Variants in PTPRJ observed in about 807,000 individuals in gnomAD.
PTPRJ encodes the protein receptor-type tyrosine-protein phosphatase eta.
A neutral mutation model predicts 141.3 loss-of-function variants in PTPRJ; 129 were observed. The ratio of observed to expected loss-of-function variants is 0.91; its 90% confidence interval spans 0.79 to 1.06. The LOEUF (loss-of-function observed/expected upper bound fraction) is 1.06, where lower values mean the gene tolerates loss of function less well. Ranked by LOEUF, PTPRJ falls within the 50% of genes least tolerant of loss-of-function variation. The pLI, the probability that PTPRJ is intolerant of heterozygous loss-of-function variation, is 0.00. For synonymous variants in PTPRJ, 610 were observed against 640.5 expected, an observed-to-expected ratio of 0.95 and a Z score of 0.72; for missense variants, 1,601 against 1,679.7, an observed-to-expected ratio of 0.95 and a Z score of 0.82.
At chr11:48,051,213 G>C (rs1326742036) in intron 1 of PTPRJ, among the ~76,000 whole-genome samples, 1 of 143,786 alleles carries the variant, frequency 7.0e-6, no homozygotes, top group African/African-American at 2.6e-5. Context: ...CTCCTGCCTT[G>C]CCTCCTGAGT....
intron 1 of PTPRJ, among the ~76,000 whole-genome samples, chr11:48,074,708 T>G (rs1440240377): frequency 6.6e-6 from 1 of 152,230 alleles, no homozygotes; most frequent in Admixed American, 6.5e-5. Context: ...ACACTGAACC[T>G]TAATCCTTAG....
Position 48,130,693 on chromosome 11 carries a change from C to G in PTPRJ, c.1592C>G (p.Ser531Cys), listed in dbSNP as rs1393781674. 6.2e-7 allele frequency: 1 copy of G among 1,613,036 alleles called. No homozygotes were observed. The highest frequency in any genetic ancestry group is 8.5e-7 in the Non-Finnish European group (1 of 1,179,278). ...GGACCAAATGGGACTGAAGGGGCAT[C>G]TCGGACAGTTTGCAATAGAACTGGT... The part of the protein sequence containing the change: ...PKGPNGTEGA[S>C]RTVCNRTVPS... The change falls in exon 8 of 25, where the codon TCT (serine) becomes TGT (cysteine). Residue 531 changes from serine (S) to cysteine (C), a missense_variant. Ser to Cys is a moderately radical substitution (Grantham distance 112). Coordinates refer to ENST00000418331, the MANE Select transcript of PTPRJ (RefSeq NM_002843.4).
At chr11:48,086,296 C>G (rs981998238) in intron 1 of PTPRJ, among the ~76,000 whole-genome samples, 3 of 152,146 alleles carry the variant, frequency 2.0e-5, no homozygotes, top group Non-Finnish European at 2.9e-5. Flanking sequence ...CTCAGCTTCC[C>G]GAGTAGCTGG....
intron 1 of PTPRJ, among the ~76,000 whole-genome samples, chr11:47,987,290 C>T (rs527878201): frequency 2.0e-5 from 3 of 151,926 alleles, no homozygotes; most frequent in Non-Finnish European, 4.4e-5. Context: ...TTTTATAGGT[C>T]GAATGAGGTG....
At chr11:48,078,092 T>G (rs1855456881) in intron 1 of PTPRJ, among the ~76,000 whole-genome samples, 1 of 151,216 alleles carries the variant, frequency 6.6e-6, no homozygotes, top group South Asian at 2.1e-4. Flanking sequence ...GGAGTCTTGC[T>G]CTGTTTCCCA....
intron 3 of PTPRJ, among the ~76,000 whole-genome samples, chr11:48,119,889 C>G (rs993746327): frequency 6.6e-6 from 1 of 152,204 alleles, no homozygotes; most frequent in African/African-American, 2.4e-5. Flanking sequence ...CTGGTTGTTA[C>G]TCCTCAGTCT....
intron 1 of PTPRJ, among the ~76,000 whole-genome samples, chr11:48,029,636 T>C (rs1054960668): frequency 6.6e-6 from 1 of 152,246 alleles, no homozygotes; most frequent in Non-Finnish European, 1.5e-5. Flanking sequence ...TAAAGGGTGC[T>C]CATAGAGCTT....
At chr11:48,137,858 T>A (rs1857141803) in intron 10 of PTPRJ, among the ~76,000 whole-genome samples, 1 of 152,174 alleles carries the variant, frequency 6.6e-6, no homozygotes, top group African/African-American at 2.4e-5. Context: ...AAAAGTTTAT[T>A]GAAATGATGC....
chr11:48,041,284 G>C (rs1456801664), intron 1 of PTPRJ, among the ~76,000 whole-genome samples: 1 of 152,156 alleles, frequency 6.6e-6, no homozygotes, highest in Non-Finnish European at 1.5e-5. Flanking sequence ...AAAATGCAGG[G>C]AGATGGAAGG....
At chr11:48,097,852 T>C (rs1028518409) in intron 1 of PTPRJ, among the ~76,000 whole-genome samples, 4 of 151,952 alleles carry the variant, frequency 2.6e-5, no homozygotes, top group Admixed American at 2.0e-4. Context: ...TTTTTTTTTG[T>C]TTTGTTTATT....
Position 48,137,200 on chromosome 11 carries a change from T to C in PTPRJ, c.2071T>C (p.Ser691Pro). ...DATVTELIPG[S>P]SYTVEIFAQV... is the part of the protein sequence containing the mutation. ...TACAGTCACTGAATTAATACCTGGCTCATCATACACAGTGGAGATCTTTGC... is the reference window on the plus strand; with the variant it reads ...TACAGTCACTGAATTAATACCTGGCCCATCATACACAGTGGAGATCTTTGC... Residue 691 changes from serine (S) to proline (P), a missense_variant, in exon 10 of 25, where the codon TCA (serine) becomes CCA (proline). Physicochemically the swap from Ser to Pro is moderately conservative, Grantham distance 74. Coordinates refer to ENST00000418331, the MANE Select transcript of PTPRJ (RefSeq NM_002843.4). 1 of 1,613,888 alleles carries C rather than the reference T, an allele frequency of 6.2e-7. No individual in the cohort carries two copies. Among genetic ancestry groups the C allele is most frequent in the Non-Finnish European group, 8.5e-7 (1 of 1,179,770 alleles).
intron 1 of PTPRJ, among the ~76,000 whole-genome samples, chr11:47,996,279 G>T (rs1854333372): frequency 6.7e-6 from 1 of 148,252 alleles, no homozygotes; most frequent in Non-Finnish European, 1.5e-5. Flanking sequence ...AGCTTGCAGT[G>T]AGCCAAGATC....
chr11:48,040,020 C>T (rs1041052213), intron 1 of PTPRJ, among the ~76,000 whole-genome samples: 14 of 152,218 alleles, frequency 9.2e-5, no homozygotes, highest in African/African-American at 3.4e-4. Flanking sequence ...AACTCCTGAC[C>T]TCAAGTGATC....
At position 48,144,745 on chromosome 11, in the gene PTPRJ, T is replaced by G; in HGVS notation, c.2646T>G (p.Tyr882Ter). Reference protein sequence around the residue: ...EDFKKGASDTYVTYLIRTEEK... With the variant: ...EDFKKGASDT ...TCAAAAAGGGAGCCTCAGATACTTATGTGACATACCTCATAAGAACAGAAG... is the reference window on the plus strand; with the variant it reads ...TCAAAAAGGGAGCCTCAGATACTTAGGTGACATACCTCATAAGAACAGAAG... Residue 882 changes from tyrosine (Y) to a stop codon, truncating the protein, a stop_gained, in exon 13 of 25, where the codon TAT becomes TAG. Coordinates refer to ENST00000418331, the MANE Select transcript of PTPRJ (RefSeq NM_002843.4). LOFTEE classifies it high-confidence loss of function. 1 of 1,614,198 alleles carries G rather than the reference T, an allele frequency of 6.2e-7. No homozygotes were observed. The highest frequency in any genetic ancestry group is 8.5e-7 in the Non-Finnish European group (1 of 1,180,000).
intron 7 of PTPRJ, 97 bp from the exon 8 acceptor site, chr11:48,130,362 C>T: frequency 7.9e-7 from 1 of 1,260,684 alleles, no homozygotes; most frequent in Non-Finnish European, 1.1e-6. Context: ...ATCAGGTGTC[C>T]TAAGTGTACA....
intron 1 of PTPRJ, among the ~76,000 whole-genome samples, chr11:48,109,653 C>T (rs1856388767): frequency 6.6e-6 from 1 of 152,092 alleles, no homozygotes; most frequent in Non-Finnish European, 1.5e-5. Flanking sequence ...TGGTATCCCC[C>T]CCACCCAACC....
intron 1 of PTPRJ, among the ~76,000 whole-genome samples, chr11:48,016,566 C>T (rs1322708665): frequency 1.3e-5 from 2 of 152,166 alleles, no homozygotes; most frequent in Non-Finnish European, 2.9e-5. Context: ...GACTTGAGTC[C>T]TGGCCACTAC....
At chr11:48,118,263 T>C (rs868724825) in intron 3 of PTPRJ, among the ~76,000 whole-genome samples, 5 of 152,258 alleles carry the variant, frequency 3.3e-5, no homozygotes, top group Middle Eastern at 3.4e-3. Flanking sequence ...TTAAAATTTT[T>C]TTGTAGAGAT....
chr11:48,026,081 C>T (rs946705554), intron 1 of PTPRJ, among the ~76,000 whole-genome samples: 6 of 152,218 alleles, frequency 3.9e-5, no homozygotes, highest in Non-Finnish European at 7.3e-5. Flanking sequence ...TTCTATAGCA[C>T]TCACCCTGCA....
Sources: allele counts gnomAD v4.1 joint callset (sites outside exome capture counted in the v4.1 genomes callset), GRCh38; gene constraint gnomAD v4.1.1; transcripts MANE v1.5; gene names NCBI Gene and HGNC (gene_info 2026-07-23, HGNC 2026-07-21).